SLC25A15: variants seen among roughly 807,000 people sequenced by gnomAD.
The protein encoded by SLC25A15 is mitochondrial ornithine transporter 1.
SLC25A15 carries 24 observed loss-of-function variants against 32.3 expected under a neutral mutation model. The observed-to-expected ratio is 0.74, with a 90% CI of 0.54 to 1.04. The LOEUF (loss-of-function observed/expected upper bound fraction) is 1.04. Ranked by LOEUF, SLC25A15 falls within the 50% of genes least tolerant of loss-of-function variation. The pLI, the probability that SLC25A15 is intolerant of heterozygous loss-of-function variation, is 0.00. For missense variants in SLC25A15, 317 were observed against 374.5 expected (o/e 0.85, Z 1.27); for synonymous variants, 132 against 142.1 (o/e 0.93, Z 0.51).
At chr13:40,790,512 CCTT>C (rs1174054123) in intron 1 of SLC25A15, among the ~76,000 whole-genome samples, 8 of 152,248 alleles carry the variant, frequency 5.3e-5, no homozygotes, top group African/African-American at 1.7e-4. Context: ...GCTGCCCACT[CCTT>C]CTGAGTGAAT....
chr13:40,800,395 C>A (rs1014072895), intron 3 of SLC25A15, among the ~76,000 whole-genome samples: 1 of 152,150 alleles, frequency 6.6e-6, no homozygotes. Context: ...AGTAAAGAAA[C>A]AAGCAGGGCA....
intron 2 of SLC25A15, 112 bp downstream of exon 2, chr13:40,793,393 A>T (rs1001563305): frequency 1.1e-6 from 1 of 883,536 alleles, no homozygotes; most frequent in Non-Finnish European, 1.8e-6. Context: ...CTGTGTTTAG[A>T]TACATTTAGA....
chr13:40,811,611 G>A lies in SLC25A15; in HGVS notation c.*1944G>A, dbSNP rs1882456976. 6.6e-6 allele frequency among the ~76,000 whole-genome samples: 1 copy of A among 152,168 alleles called. No homozygotes were observed. On this transcript the variant is annotated 3_prime_UTR_variant, in exon 7 of 7. Transcript: ENST00000338625. ...TTCATCTGATCCCCCATAGACTTGGGGATGGACAGCTGTTCTTTGGCCATA... is the reference window on the plus strand; with the variant it reads ...TTCATCTGATCCCCCATAGACTTGGAGATGGACAGCTGTTCTTTGGCCATA...
At chr13:40,805,325 A>G (rs564844910) in intron 4 of SLC25A15, 70 bp downstream of exon 4, 3 of 1,581,466 alleles carry the variant, frequency 1.9e-6, no homozygotes, top group South Asian at 1.1e-5. Flanking sequence ...TTCATTTTAC[A>G]TTGTACTAAA....
chr13:40,801,714 A>G (rs1485033173), intron 3 of SLC25A15, among the ~76,000 whole-genome samples: 2 of 152,254 alleles, frequency 1.3e-5, no homozygotes, highest in South Asian at 2.1e-4. Flanking sequence ...CCCGGTTTCA[A>G]CATGACCCAG....
intron 5 of SLC25A15, 119 bp downstream of exon 5, chr13:40,807,582 A>G (rs1331246523): frequency 1.7e-6 from 2 of 1,144,632 alleles, no homozygotes; most frequent in African/African-American, 3.0e-5. Context: ...TCCATCTGGC[A>G]CAGGGAAGCT....
At chr13:40,808,335 T>G (rs1277759667) in intron 5 of SLC25A15, 103 bp from the exon 6 acceptor site, 18 of 995,512 alleles carry the variant, frequency 1.8e-5, no homozygotes, top group Middle Eastern at 2.3e-4. Flanking sequence ...GCATTAGCAT[T>G]TTTATTTTCA....
chr13:40,805,007 T>C lies in SLC25A15; in HGVS notation c.315-111T>C, dbSNP rs1015096419. 3.1e-6 allele frequency: 4 copies of C among 1,276,966 alleles called. No individual in the cohort carries two copies. The Admixed American group carries it at 5.0e-5, about 16-fold the overall frequency. 79.1% of individuals were successfully genotyped at this position (1,276,966 alleles called of 1,614,324 possible). On this transcript the variant is annotated intron_variant, in intron 3 of 6. Transcript: ENST00000338625. Reference sequence around the variant, plus strand: ...CTAAGTAGCTGTAATCACAGGTTCATGCCCTCACGCCCGGCTCCTTACCCT... The same window carrying C: ...CTAAGTAGCTGTAATCACAGGTTCACGCCCTCACGCCCGGCTCCTTACCCT...
At chr13:40,790,349 T>C (rs1316584791) in intron 1 of SLC25A15, among the ~76,000 whole-genome samples, 2 of 152,196 alleles carry the variant, frequency 1.3e-5, no homozygotes, top group African/African-American at 2.4e-5. Flanking sequence ...CCTGGTGTAA[T>C]TTGAGAGAGG....
rs150364434 is a variant in SLC25A15, at chr13:40,808,411, A to G, written c.623-27A>G. 1.4e-4 allele frequency: 219 copies of G among 1,607,222 alleles called. 4 individuals carry two copies. In the East Asian group the frequency reaches 4.9e-3, roughly 36 times the overall value. On this transcript the variant is annotated intron_variant, in intron 5 of 6. Transcript: ENST00000338625. The stretch of plus-strand genomic sequence containing the variant: ...ACATCAGCTGTTCTTGAGACAAAAT[A>G]CCATTTGCTATTTTTTTTTTCTCTA...
intron 2 of SLC25A15, among the ~76,000 whole-genome samples, chr13:40,795,218 G>A: frequency 6.6e-6 from 1 of 152,224 alleles, no homozygotes; most frequent in East Asian, 1.9e-4. Flanking sequence ...TCACCAGCGA[G>A]TGAATGCTCT....
chr13:40,805,405 T>G, intron 4 of SLC25A15, 150 bp downstream of exon 4: 1 of 981,564 alleles, frequency 1.0e-6, no homozygotes, highest in East Asian at 2.6e-5. Flanking sequence ...CTATCAGAGA[T>G]TTTCTGAAAG....
At chr13:40,798,704 G>A (rs1881755754) in intron 2 of SLC25A15, 1 of 929,806 alleles carries the variant, frequency 1.1e-6, no homozygotes, top group Non-Finnish European at 1.3e-6. Flanking sequence ...CATGGATGAG[G>A]AGCTGAGGCT....
chr13:40,805,609 G>A (rs543159266), intron 4 of SLC25A15, among the ~76,000 whole-genome samples: 93 of 152,290 alleles, frequency 6.1e-4, no homozygotes, highest in Non-Finnish European at 1.1e-3. Context: ...GCCTTCATAA[G>A]TGCCAATTTG....
chr13:40,811,484 A>G lies in SLC25A15; in HGVS notation c.*1817A>G, dbSNP rs1045211815. ...AGACTGGGTGACACAGCGAGACTTC[A>G]TCTCAAAAAAAAAAAGAAAAGAAAA... On this transcript the variant is annotated 3_prime_UTR_variant, in exon 7 of 7. Coordinates refer to ENST00000338625, the MANE Select transcript of SLC25A15 (RefSeq NM_014252.4). 2.0e-5 allele frequency among the ~76,000 whole-genome samples: 3 copies of G among 151,400 alleles called. No homozygotes were observed. Among genetic ancestry groups the G allele is most frequent in the Non-Finnish European group, 4.4e-5 (3 of 67,936 alleles).
intron 3 of SLC25A15, among the ~76,000 whole-genome samples, chr13:40,804,121 G>T (rs1194447875): frequency 6.6e-6 from 1 of 152,144 alleles, no homozygotes; most frequent in Non-Finnish European, 1.5e-5. Context: ...CAGCAGATCT[G>T]GTGTCTGATG....
At chr13:40,802,413 C>T (rs1409831798) in intron 3 of SLC25A15, 1 of 152,172 alleles carries the variant, frequency 6.6e-6, no homozygotes. Flanking sequence ...AAGAAAGCTC[C>T]ACTCTAAGCC....
chr13:40,810,193 C>CT lies in SLC25A15; in HGVS notation c.*527dup, dbSNP rs760958784. 3.1e-4 allele frequency: 55 copies of CT among 174,970 alleles called. No homozygotes were observed. Among genetic ancestry groups the CT allele is most frequent in the Non-Finnish European group, 5.6e-4 (46 of 81,418 alleles). The allele number at this position is 174,970 out of a possible 1,614,324, so 10.8% of individuals were successfully genotyped here. The stretch of plus-strand genomic sequence containing the variant: ...TATTTTTTTGATACAGAGTCTCACT[C>CT]TGTCACCCAGACTGGAGTGCAGTGG... On this transcript the variant is annotated 3_prime_UTR_variant, in exon 7 of 7. Coordinates refer to ENST00000338625, the MANE Select transcript of SLC25A15 (RefSeq NM_014252.4).
In SLC25A15 at chr13:40,810,400, T is replaced by A. The variant is rs1882397257; in HGVS notation, c.*733T>A. On this transcript the variant is annotated 3_prime_UTR_variant, in exon 7 of 7. Transcript: ENST00000338625. ...TTGGTCTCGAACTCCTGACCTCAAG[T>A]GATCCGCCCACCTCGGCCTCCCAAA... Among the ~76,000 whole-genome samples the A allele has an allele frequency of 6.6e-6, 1 of 152,146 alleles. No individual in the cohort carries two copies.
Sources: gnomAD v4.1 joint callset for allele counts (sites outside exome capture counted in the v4.1 genomes callset) on GRCh38, gnomAD v4.1.1 for gene constraint, MANE v1.5 for transcripts, NCBI Gene and HGNC (gene_info 2026-07-23, HGNC 2026-07-21) for gene names.